Variants in CTNNA3 observed in about 807,000 individuals in gnomAD.
CTNNA3 encodes the protein catenin alpha 3, also known as catenin alpha-3.
In CTNNA3, 76 loss-of-function variants were observed where a neutral mutation model predicts 95.7. The ratio of observed to expected loss-of-function variants is 0.79; its 90% CI spans 0.66 to 0.96. CTNNA3 has a LOEUF of 0.96. CTNNA3 is among the 40% of genes least tolerant of loss of function. The probability of loss-of-function intolerance (pLI) is 0.00; values close to 1 mark genes in which losing one functional copy is unlikely to be tolerated. For missense variants in CTNNA3, 1,191 were observed against 1,089.8 expected (o/e 1.09, Z -1.31); for synonymous variants, 431 against 374.4 (o/e 1.15, Z -1.74).
intron 9 of CTNNA3, among the ~76,000 whole-genome samples, chr10:66,754,058 C>A (rs968065008): frequency 3.9e-5 from 6 of 152,030 alleles, no homozygotes; most frequent in Admixed American, 6.6e-5. Context: ...ATACAAGGGA[C>A]CTATAAAAGC....
chr10:66,086,889 T>C (rs1446210212), intron 14 of CTNNA3, among the ~76,000 whole-genome samples: 1 of 152,114 alleles, frequency 6.6e-6, no homozygotes, highest in Admixed American at 6.6e-5. Context: ...AAAGAGTTCT[T>C]GGTAGAATTT....
intron 7 of CTNNA3, among the ~76,000 whole-genome samples, chr10:67,070,394 T>A (rs549411568): frequency 6.6e-6 from 1 of 152,332 alleles, no homozygotes; most frequent in African/African-American, 2.4e-5. Context: ...CAAAAGTTCT[T>A]AGTTTTAATA....
chr10:66,453,348 A>G (rs1257809861), intron 11 of CTNNA3, among the ~76,000 whole-genome samples: 1 of 152,202 alleles, frequency 6.6e-6, no homozygotes, highest in Non-Finnish European at 1.5e-5. Context: ...GTCTCAGTAG[A>G]GCAGCTTTTC....
intron 12 of CTNNA3, among the ~76,000 whole-genome samples, chr10:66,337,815 T>G (rs1209552281): frequency 6.6e-6 from 1 of 151,964 alleles, no homozygotes; most frequent in Non-Finnish European, 1.5e-5. Context: ...TATAAAATGG[T>G]GCAGCCACTT....
intron 7 of CTNNA3, among the ~76,000 whole-genome samples, chr10:66,784,174 A>G (rs1170525543): frequency 6.6e-6 from 1 of 152,128 alleles, no homozygotes; most frequent in Non-Finnish European, 1.5e-5. Context: ...ATTTTCTATC[A>G]TTTCTTTCCT....
At chr10:66,457,116 A>T (rs2093499786) in intron 11 of CTNNA3, among the ~76,000 whole-genome samples, 1 of 152,108 alleles carries the variant, frequency 6.6e-6, no homozygotes, top group Non-Finnish European at 1.5e-5. Context: ...AAACAAAACA[A>T]AACAAAAAAA....
intron 9 of CTNNA3, among the ~76,000 whole-genome samples, chr10:66,690,207 T>A (rs60961561): frequency 6.6e-6 from 1 of 152,200 alleles, no homozygotes; most frequent in African/African-American, 2.4e-5. Flanking sequence ...ATGGTGGCTC[T>A]AGAAATAGAT....
chr10:67,016,389 T>G lies in CTNNA3; in HGVS notation c.1047+163928A>C, dbSNP rs1023205384. 1.4e-4 allele frequency among the ~76,000 whole-genome samples: 22 copies of G among 152,308 alleles called. No homozygotes were observed. The South Asian group carries it at 4.4e-3, about 30-fold the overall frequency. ...CCTCGTTTCTTTTTGTTTGTTTGTT[T>G]TATTTAAGGAGTTTGCATGGATCAC... On this transcript the variant is annotated intron_variant, in intron 7 of 17. Coordinates refer to ENST00000433211, the MANE Select transcript of CTNNA3 (RefSeq NM_013266.4).
At chr10:67,527,181 C>G (rs936476443) in intron 4 of CTNNA3, among the ~76,000 whole-genome samples, 1 of 151,962 alleles carries the variant, frequency 6.6e-6, no homozygotes, top group African/African-American at 2.4e-5. Flanking sequence ...TGCTTGAGCC[C>G]AGGAGGCAGA....
chr10:66,269,117 T>C (rs1247409198), intron 13 of CTNNA3, among the ~76,000 whole-genome samples: 2 of 152,210 alleles, frequency 1.3e-5, no homozygotes, highest in Non-Finnish European at 2.9e-5. Flanking sequence ...CTTGCATACA[T>C]TAACCCTTTT....
At chr10:67,727,532 CATATT>C (rs1841243702) in intron 1 of CTNNA3, among the ~76,000 whole-genome samples, 1 of 126,088 alleles carries the variant, frequency 7.9e-6, no homozygotes, top group African/African-American at 3.0e-5. Context: ...TATTATGTAA[CATATT>C]ATATATAATA....
chr10:66,990,915 T>G (rs1212580077), intron 7 of CTNNA3, among the ~76,000 whole-genome samples: 2 of 152,200 alleles, frequency 1.3e-5, no homozygotes, highest in Non-Finnish European at 2.9e-5. Context: ...TTGTTTTGAA[T>G]GGTGAGGCAA....
chr10:67,352,504 C>A (rs1842672168), intron 5 of CTNNA3, among the ~76,000 whole-genome samples: 1 of 151,744 alleles, frequency 6.6e-6, no homozygotes, highest in Non-Finnish European at 1.5e-5. Flanking sequence ...TTACTGAAAC[C>A]TAAGATCCCT....
At chr10:66,544,687 A>G (rs1458169371) in intron 10 of CTNNA3, among the ~76,000 whole-genome samples, 1 of 152,148 alleles carries the variant, frequency 6.6e-6, no homozygotes, top group Non-Finnish European at 1.5e-5. Flanking sequence ...CTCAATTTAT[A>G]TCTATAGGAT....
chr10:66,852,404 T>C (rs1843530903), intron 7 of CTNNA3, among the ~76,000 whole-genome samples: 1 of 152,068 alleles, frequency 6.6e-6, no homozygotes, highest in Non-Finnish European at 1.5e-5. Flanking sequence ...GAAGTACAAA[T>C]CTAAAAGAAA....
chr10:67,512,484 C>T (rs1839667735), intron 5 of CTNNA3, among the ~76,000 whole-genome samples: 1 of 152,124 alleles, frequency 6.6e-6, no homozygotes, highest in African/African-American at 2.4e-5. Context: ...ATAGAAACAA[C>T]CTAAGTGCCT....
At chr10:66,520,504 G>A (rs967025234) in intron 11 of CTNNA3, 113 bp downstream of exon 11, 30 of 881,986 alleles carry the variant, frequency 3.4e-5, no homozygotes, top group African/African-American at 3.0e-4. Context: ...CACCTGCCTC[G>A]GCTTCCCAAA....
Position 66,752,558 on chromosome 10 carries a change from T to C in CTNNA3, c.1281+13706A>G, listed in dbSNP as rs150955304. 1.4e-3 allele frequency among the ~76,000 whole-genome samples: 206 copies of C among 152,230 alleles called. No individual in the cohort carries two copies. The Middle Eastern group carries it at 0.034, about 25-fold the overall frequency. On this transcript the variant is annotated intron_variant, in intron 9 of 17. Transcript: ENST00000433211. ...ATCTAAGTCATAAAAGCATAATCCA[T>C]ATATAGTAAATTTAATAAGTTTGAT... is the stretch of plus-strand genomic sequence containing the variant.
intron 7 of CTNNA3, among the ~76,000 whole-genome samples, chr10:66,853,930 T>C (rs2132389236): frequency 6.6e-6 from 1 of 152,214 alleles, no homozygotes; most frequent in South Asian, 2.1e-4. Context: ...AATGTGCAAT[T>C]GTTTTGCATA....
Sources: allele counts gnomAD v4.1 joint callset (sites outside exome capture counted in the v4.1 genomes callset), GRCh38; gene constraint gnomAD v4.1.1; transcripts MANE v1.5; gene names NCBI Gene and HGNC (gene_info 2026-07-23, HGNC 2026-07-21).